MYT1L: variants seen among roughly 807,000 people sequenced by gnomAD.
MYT1L encodes the protein myelin transcription factor 1-like protein.
MYT1L carries 12 observed loss-of-function variants against 126.7 expected under a neutral mutation model. The ratio of observed to expected loss-of-function variants is 0.09; its 90% confidence interval spans 0.06 to 0.15. The LOEUF (loss-of-function observed/expected upper bound fraction) is 0.15, where lower values mean the gene tolerates loss of function less well. Ranked by LOEUF, MYT1L falls within the 10% of genes least tolerant of loss-of-function variation. MYT1L has a pLI of 1.00. For missense variants in MYT1L, 979 were observed against 1,585.2 expected (o/e 0.62, Z 6.49); for synonymous variants, 541 against 604.2 (o/e 0.90, Z 1.53).
intron 11 of MYT1L, among the ~76,000 whole-genome samples, chr2:1,916,021 C>T (rs1199340230): frequency 6.6e-6 from 1 of 152,168 alleles, no homozygotes; most frequent in Non-Finnish European, 1.5e-5. Context: ...TGCTGTCTTC[C>T]TGCTCATGTA....
chr2:1,804,804 A>C (rs1346576110), intron 22 of MYT1L, among the ~76,000 whole-genome samples: 1 of 152,220 alleles, frequency 6.6e-6, no homozygotes, highest in Non-Finnish European at 1.5e-5. Context: ...TATTAAGCGA[A>C]ATAAGTAGGT....
intron 3 of MYT1L, among the ~76,000 whole-genome samples, chr2:2,116,686 T>C (rs1409184547): frequency 6.6e-6 from 1 of 152,256 alleles, no homozygotes. Context: ...GCCTCTCAGA[T>C]TCCATATAGG....
At chr2:1,862,002 G>GCCTGCAGCCTGTGTAATCCTAGATCCT (rs1236686784) in intron 18 of MYT1L, among the ~76,000 whole-genome samples, 11 of 10,924 alleles carry the variant, frequency 1.0e-3, no homozygotes, top group Admixed American at 2.3e-3. Flanking sequence ...CCTGGAATTC[G>GCCTGCAGCCTGTGTAATCCTAGATCCT]CTGAGATTTT....
chr2:2,277,325 C>T (rs1265103421), intron 2 of MYT1L, among the ~76,000 whole-genome samples: 1 of 152,212 alleles, frequency 6.6e-6, no homozygotes, highest in Non-Finnish European at 1.5e-5. Flanking sequence ...TTTCACCCTT[C>T]ATACCCGATG....
intron 2 of MYT1L, among the ~76,000 whole-genome samples, chr2:2,246,980 T>G (rs902723539): frequency 3.9e-5 from 6 of 152,130 alleles, no homozygotes; most frequent in Non-Finnish European, 8.8e-5. Flanking sequence ...ATAATGAGAA[T>G]GTAATTGGGT....
chr2:1,902,974 T>C lies in MYT1L; in HGVS notation c.2032+106A>G, dbSNP rs1008976617. On this transcript the variant is annotated intron_variant, in intron 14 of 24. Coordinates refer to ENST00000647738, the MANE Select transcript of MYT1L (RefSeq NM_001303052.2). ...GAAAGTCCTGTTCTTTTGGTACCCA[T>C]TGAGTGACCACCACCGCTCAACTAA... 1.8e-5 allele frequency: 19 copies of C among 1,038,782 alleles called. No homozygotes were observed. The East Asian group carries it at 1.9e-4, about 10-fold the overall frequency. The allele number at this position is 1,038,782 out of a possible 1,614,324, so 64.3% of individuals were successfully genotyped here.
intron 3 of MYT1L, among the ~76,000 whole-genome samples, chr2:2,129,874 C>G (rs2082153076): frequency 6.6e-6 from 1 of 151,002 alleles, no homozygotes; most frequent in African/African-American, 2.4e-5. Flanking sequence ...CCACTGTACT[C>G]CTGCCTGGGC....
intron 14 of MYT1L, among the ~76,000 whole-genome samples, chr2:1,897,904 A>AG (rs2049828514): frequency 6.6e-6 from 1 of 152,232 alleles, no homozygotes; most frequent in Non-Finnish European, 1.5e-5. Flanking sequence ...GCCTTCAAAC[A>AG]GGAGCAGCCG....
intron 2 of MYT1L, among the ~76,000 whole-genome samples, chr2:2,271,072 CAT>C (rs1296248301): frequency 6.6e-6 from 1 of 152,184 alleles, no homozygotes; most frequent in African/African-American, 2.4e-5. Flanking sequence ...TGTGTGTACA[CAT>C]GTGTTTACGG....
chr2:1,894,345 T>G (rs1573322490), intron 14 of MYT1L, among the ~76,000 whole-genome samples: 1 of 151,106 alleles, frequency 6.6e-6, no homozygotes, highest in Non-Finnish European at 1.5e-5. Context: ...TGCAAAGGAG[T>G]CAACCAGAGG....
intron 2 of MYT1L, among the ~76,000 whole-genome samples, chr2:2,207,687 A>T (rs978172423): frequency 6.6e-6 from 1 of 152,220 alleles, no homozygotes. Context: ...TTTGCATCAC[A>T]GATTCTCTCA....
rs545444961 is a variant in MYT1L, at chr2:1,911,043, C to T, written c.1710-696G>A. Among the ~76,000 whole-genome samples, 8 of 152,278 alleles carry T rather than the reference C, an allele frequency of 5.3e-5. No individual in the cohort carries two copies. In the East Asian group the frequency reaches 1.4e-3, roughly 26 times the overall value. ...ATCTGCTCATATGCACAGACGCTCA[C>T]CCCATATATGTGTCATATCCCAAAA... On this transcript the variant is annotated intron_variant, in intron 12 of 24. Coordinates refer to ENST00000647738, the MANE Select transcript of MYT1L (RefSeq NM_001303052.2).
At chr2:2,189,145 A>G (rs1480428404) in intron 2 of MYT1L, among the ~76,000 whole-genome samples, 1 of 152,218 alleles carries the variant, frequency 6.6e-6, no homozygotes, top group Non-Finnish European at 1.5e-5. Context: ...ATCATACTAT[A>G]TAAGAGCTTC....
At chr2:1,947,551 C>T (rs1169373982) in intron 8 of MYT1L, among the ~76,000 whole-genome samples, 2 of 152,150 alleles carry the variant, frequency 1.3e-5, no homozygotes, top group African/African-American at 4.8e-5. Context: ...GGCGGGCTGC[C>T]TCCTGCTCAC....
chr2:2,284,761 A>C (rs944478539), intron 1 of MYT1L, among the ~76,000 whole-genome samples: 4 of 144,466 alleles, frequency 2.8e-5, no homozygotes, highest in African/African-American at 9.9e-5. Flanking sequence ...GCTGGAGTGC[A>C]GTGGCGGGAT....
chr2:1,894,105 CTG>C (rs1437944093), intron 14 of MYT1L, among the ~76,000 whole-genome samples: 2 of 152,268 alleles, frequency 1.3e-5, no homozygotes, highest in African/African-American at 2.4e-5. Flanking sequence ...GATATTATGA[CTG>C]TGTTTTGCTA....
chr2:2,040,668 CAT>C (rs1426815762), intron 4 of MYT1L, among the ~76,000 whole-genome samples: 3 of 152,082 alleles, frequency 2.0e-5, no homozygotes, highest in Non-Finnish European at 2.9e-5. Flanking sequence ...AAATTACGAA[CAT>C]GTGATATTTT....
chr2:2,110,600 A>G (rs2079309684), intron 3 of MYT1L, among the ~76,000 whole-genome samples: 1 of 104,668 alleles, frequency 9.6e-6, no homozygotes. Flanking sequence ...CCCTCCCTCT[A>G]TTTCCTCCTC....
At chr2:2,137,042 A>G (rs543215095) in intron 3 of MYT1L, among the ~76,000 whole-genome samples, 199 of 152,142 alleles carry the variant, frequency 1.3e-3, no homozygotes, top group Middle Eastern at 3.4e-3. Context: ...TTATACACCA[A>G]TAACAGACAA....
Sources: gnomAD v4.1 joint callset for allele counts (sites outside exome capture counted in the v4.1 genomes callset) on GRCh38, gnomAD v4.1.1 for gene constraint, MANE v1.5 for transcripts, NCBI Gene and HGNC (gene_info 2026-07-23, HGNC 2026-07-21) for gene names.